Variants in NRXN3 observed in about 807,000 individuals in gnomAD.
NRXN3 encodes neurexin III.
In NRXN3, 32 loss-of-function variants were observed where a neutral mutation model predicts 137.6. The observed-to-expected ratio is 0.23, with a 90% CI of 0.18 to 0.31. The LOEUF is 0.31. Among genes scored for constraint, NRXN3 ranks in the 10% least tolerant of loss-of-function variants. The pLI, the probability that NRXN3 is intolerant of heterozygous loss-of-function variation, is 1.00. For missense variants in NRXN3, 1,574 were observed against 2,062.5 expected (o/e 0.76, Z 4.59); for synonymous variants, 798 against 784.5 (o/e 1.02, Z -0.29).
At chr14:78,623,478 G>A (rs554904549) in intron 4 of NRXN3, among the ~76,000 whole-genome samples, 3 of 152,348 alleles carry the variant, frequency 2.0e-5, no homozygotes, top group Admixed American at 1.3e-4. Context: ...GGCCATAGTA[G>A]ATAACCATGC....
At chr14:78,642,385 T>A (rs1031015339) in intron 4 of NRXN3, among the ~76,000 whole-genome samples, 9 of 152,190 alleles carry the variant, frequency 5.9e-5, no homozygotes, top group African/African-American at 2.2e-4. Flanking sequence ...ATATAAAAAA[T>A]ATTAAGCACC....
chr14:79,504,075 TA>T (rs1338669387), intron 16 of NRXN3, among the ~76,000 whole-genome samples: 2 of 152,176 alleles, frequency 1.3e-5, no homozygotes, highest in African/African-American at 2.4e-5. Context: ...ATATTCCTAC[TA>T]TAATGTACAC....
chr14:79,741,633 C>T (rs2154080351), intron 19 of NRXN3, among the ~76,000 whole-genome samples: 1 of 152,104 alleles, frequency 6.6e-6, no homozygotes, highest in South Asian at 2.1e-4. Context: ...TACAGGTGTG[C>T]ATCACCACAC....
At chr14:79,756,100 T>C (rs2099018554) in intron 19 of NRXN3, among the ~76,000 whole-genome samples, 1 of 152,120 alleles carries the variant, frequency 6.6e-6, no homozygotes, top group Non-Finnish European at 1.5e-5. Flanking sequence ...TCTGCTTCAA[T>C]CTGAAAACAT....
intron 15 of NRXN3, among the ~76,000 whole-genome samples, chr14:79,027,281 T>C (rs1328868524): frequency 6.6e-6 from 1 of 151,948 alleles, no homozygotes; most frequent in East Asian, 1.9e-4. Context: ...TATGGGGACA[T>C]AGACTCTCTC....
intron 15 of NRXN3, among the ~76,000 whole-genome samples, chr14:79,079,898 G>T (rs2046636410): frequency 6.6e-6 from 1 of 152,152 alleles, no homozygotes; most frequent in South Asian, 2.1e-4. Context: ...TGAGGCAGGA[G>T]AAATGCTTGA....
At chr14:78,265,691 T>C (rs2071574643) in intron 2 of NRXN3, among the ~76,000 whole-genome samples, 1 of 152,086 alleles carries the variant, frequency 6.6e-6, no homozygotes, top group African/African-American at 2.4e-5. Context: ...AGAGGCACAG[T>C]GGGAAAAGCA....
intron 10 of NRXN3, among the ~76,000 whole-genome samples, chr14:78,817,999 C>T (rs1474620875): frequency 6.6e-6 from 1 of 152,012 alleles, no homozygotes; most frequent in Admixed American, 6.6e-5. Context: ...AATATCTGAA[C>T]ATCTTAAAAT....
intron 1 of NRXN3, among the ~76,000 whole-genome samples, chr14:78,233,688 CAAAAAAAA>C (rs10673907): frequency 1.7e-5 from 2 of 117,626 alleles, no homozygotes; most frequent in Non-Finnish European, 3.5e-5. Context: ...AAGTATGCTT[CAAAAAAAA>C]AAAAAAAAAA....
chr14:79,559,375 A>G (rs1243570715), intron 16 of NRXN3, among the ~76,000 whole-genome samples: 2 of 152,074 alleles, frequency 1.3e-5, no homozygotes, highest in Non-Finnish European at 2.9e-5. Context: ...TAGGGTCATT[A>G]TTGACCTACA....
intron 17 of NRXN3, among the ~76,000 whole-genome samples, chr14:79,688,608 C>A (rs551987912): frequency 3.9e-5 from 6 of 152,100 alleles, no homozygotes; most frequent in Non-Finnish European, 8.8e-5. Flanking sequence ...GTTTGCTTTC[C>A]GTTTCTTTCC....
At chr14:79,698,157 T>G (rs967277828) in intron 19 of NRXN3, among the ~76,000 whole-genome samples, 1 of 152,030 alleles carries the variant, frequency 6.6e-6, no homozygotes, top group Non-Finnish European at 1.5e-5. Flanking sequence ...CTTATTGTAT[T>G]TATCACTGAA....
intron 15 of NRXN3, among the ~76,000 whole-genome samples, chr14:79,056,714 A>T (rs2099664705): frequency 1.3e-5 from 2 of 152,204 alleles, no homozygotes; most frequent in Non-Finnish European, 2.9e-5. Context: ...GGGAATTTTC[A>T]GTGTAAGCAA....
chr14:78,302,451 C>A (rs570673047), intron 4 of NRXN3, among the ~76,000 whole-genome samples: 6 of 152,192 alleles, frequency 3.9e-5, no homozygotes, highest in Non-Finnish European at 8.8e-5. Context: ...ATAACATAAG[C>A]CAATGACTAC....
rs565922565 is a variant in NRXN3, at chr14:79,263,448, G to A, written c.3263-203773G>A. ...TGTTTTGGTACTTTGGTAAATGTGT[G>A]TGTGTTTATCTCATTCATTAGTAAC... is the stretch of plus-strand genomic sequence containing the variant. On this transcript the variant is annotated intron_variant, in intron 15 of 20. Coordinates refer to ENST00000335750, the MANE Select transcript of NRXN3 (RefSeq NM_001330195.2). 3.9e-4 allele frequency among the ~76,000 whole-genome samples: 60 copies of A among 152,258 alleles called. 1 individual carries two copies. Among genetic ancestry groups the A allele is most frequent in the African/African-American group, 1.3e-3 (54 of 41,552 alleles).
chr14:78,291,136 T>C (rs2075765666), intron 3 of NRXN3, among the ~76,000 whole-genome samples: 1 of 152,146 alleles, frequency 6.6e-6, no homozygotes, highest in African/African-American at 2.4e-5. Flanking sequence ...TCCTTTCTTC[T>C]CCATTAGCAC....
At chr14:78,762,547 G>C (rs759886128) in intron 8 of NRXN3, among the ~76,000 whole-genome samples, 1 of 152,110 alleles carries the variant, frequency 6.6e-6, no homozygotes, top group Non-Finnish European at 1.5e-5. Flanking sequence ...TAGCCCATTG[G>C]AGGTGTCAAC....
intron 20 of NRXN3, among the ~76,000 whole-genome samples, chr14:79,848,229 T>C (rs1329174291): frequency 6.6e-6 from 1 of 152,310 alleles, no homozygotes; most frequent in Admixed American, 6.5e-5. Context: ...GAAAGGACAG[T>C]GCAAATGGCC....
At chr14:78,549,482 C>T (rs923378856) in intron 4 of NRXN3, among the ~76,000 whole-genome samples, 2 of 152,214 alleles carry the variant, frequency 1.3e-5, no homozygotes, top group Non-Finnish European at 2.9e-5. Flanking sequence ...GAATCTTGAT[C>T]ACCAAGCTTA....
Sources: allele counts gnomAD v4.1 joint callset (sites outside exome capture counted in the v4.1 genomes callset), GRCh38; gene constraint gnomAD v4.1.1; transcripts MANE v1.5; gene names NCBI Gene and HGNC (gene_info 2026-07-23, HGNC 2026-07-21).